Variants in LGALS9B observed in about 807,000 individuals in gnomAD.
The protein encoded by LGALS9B is galectin-9B.
Under a neutral mutation model 35.9 loss-of-function variants are expected in LGALS9B, and 8 were observed. The observed-to-expected ratio is 0.22, with a 90% CI of 0.13 to 0.40. LGALS9B has a LOEUF of 0.40. Ranked by LOEUF, LGALS9B falls within the 10% of genes least tolerant of loss-of-function variation. LGALS9B has a pLI of 1.00. For missense variants in LGALS9B, 101 were observed against 397.9 expected (o/e 0.25, Z 6.35); for synonymous variants, 42 against 148.6 (o/e 0.28, Z 5.22).
At chr17:20,452,159 A>G (rs1375793877) in intron 8 of LGALS9B, 192 bp downstream of exon 8, 1 of 263,624 alleles carries the variant, frequency 3.8e-6, no homozygotes, top group Non-Finnish European at 7.7e-6. Flanking sequence ...CGTTGACACG[A>G]CAGTTTTAAG....
intron 1 of LGALS9B, among the ~76,000 whole-genome samples, chr17:20,466,097 T>G (rs1268628435): frequency 6.6e-6 from 1 of 152,010 alleles, no homozygotes; most frequent in Non-Finnish European, 1.5e-5. Context: ...GGATCCCCTC[T>G]CTGGCAGAAA....
At chr17:20,467,351 A>G in intron 1 of LGALS9B, 81 bp downstream of exon 1, 1 of 1,298,414 alleles carries the variant, frequency 7.7e-7, no homozygotes, top group Non-Finnish European at 1.1e-6. Flanking sequence ...GTCTCCTGCC[A>G]CCCAGGAGTT....
rs1198710429 is a variant in LGALS9B, at chr17:20,464,772, C to T, written c.39+2660G>A. The stretch of plus-strand genomic sequence containing the variant: ...AGCAATTCTGACACTGGCCAAGTCA[C>T]TTGACCTGCCTGTGCCCCACTTCCC... On this transcript the variant is annotated intron_variant, in intron 1 of 10. Transcript: ENST00000423676. Among the ~76,000 whole-genome samples, 3 of 151,932 alleles carry T rather than the reference C, an allele frequency of 2.0e-5. No individual in the cohort carries two copies. The East Asian group carries it at 5.9e-4, about 30-fold the overall frequency.
chr17:20,456,800 G>C, intron 3 of LGALS9B, 129 bp from the exon 4 acceptor site: 1 of 116,030 alleles, frequency 8.6e-6, no homozygotes, highest in South Asian at 4.6e-5. Flanking sequence ...GCCAGTTACA[G>C]GGACGTGTGT....
At chr17:20,462,877 CAT>C (rs1171789334) in intron 1 of LGALS9B, among the ~76,000 whole-genome samples, 2 of 148,206 alleles carry the variant, frequency 1.3e-5, no homozygotes, top group African/African-American at 5.0e-5. Flanking sequence ...TTCATTCTAT[CAT>C]GAGAGACAAC....
chr17:20,464,258 C>G (rs1401698930), intron 1 of LGALS9B, among the ~76,000 whole-genome samples: 5 of 150,030 alleles, frequency 3.3e-5, no homozygotes, highest in Non-Finnish European at 7.4e-5. Flanking sequence ...ACCACCATGC[C>G]TGGCTAATTT....
rs1395977091 is a variant in LGALS9B, at chr17:20,453,215, C to T, written c.577-148G>A. 16 of 861,274 alleles carry T rather than the reference C, an allele frequency of 1.9e-5. 3 individuals are homozygous for T. The highest frequency in any genetic ancestry group is 5.6e-5 in the Admixed American group (2 of 35,796). 53.4% of individuals were successfully genotyped at this position (861,274 alleles called of 1,614,324 possible). A position where few individuals can be genotyped will look rare whatever the true frequency, so the allele number is the denominator to read the frequency against. ...CCCCACGGAGGGTGGGTCCAGGGGACGAGGGAGAGGCAAAGGTTAGAACCC... is the reference window on the plus strand; with the variant it reads ...CCCCACGGAGGGTGGGTCCAGGGGATGAGGGAGAGGCAAAGGTTAGAACCC... On this transcript the variant is annotated intron_variant, in intron 6 of 10. Coordinates refer to ENST00000423676, the MANE Select transcript of LGALS9B (RefSeq NM_001367292.2).
At chr17:20,465,850 G>A (rs2042759062) in intron 1 of LGALS9B, among the ~76,000 whole-genome samples, 1 of 149,452 alleles carries the variant, frequency 6.7e-6, no homozygotes, top group African/African-American at 2.5e-5. Flanking sequence ...CTGCCAGATG[G>A]GTCACCGAGT....
chr17:20,464,175 G>A (rs572968878), intron 1 of LGALS9B, among the ~76,000 whole-genome samples: 121 of 144,968 alleles, frequency 8.3e-4, no homozygotes, highest in Admixed American at 2.4e-3. Context: ...TCAGCTCACT[G>A]CAGCCTCCAC....
chr17:20,460,911 A>G (rs145992686), intron 1 of LGALS9B, among the ~76,000 whole-genome samples: 1 of 149,018 alleles, frequency 6.7e-6, no homozygotes, highest in South Asian at 2.2e-4. Context: ...GAACAAAGGG[A>G]CCCATCAAGG....
chr17:20,455,655 G>A (rs1295156893), intron 4 of LGALS9B, among the ~76,000 whole-genome samples: 13 of 146,438 alleles, frequency 8.9e-5, no homozygotes, highest in African/African-American at 2.9e-4. Flanking sequence ...GAGAGATGAG[G>A]ACCAAAGGGT....
At chr17:20,466,421 C>T (rs1425111205) in intron 1 of LGALS9B, among the ~76,000 whole-genome samples, 1 of 151,156 alleles carries the variant, frequency 6.6e-6, no homozygotes, top group East Asian at 1.9e-4. Context: ...CTGGCAGCTT[C>T]CCTGCCCTCA....
rs1343494351 is a variant in LGALS9B, at chr17:20,449,925, C to T, written c.*48G>A. ...TGGGAAGTGGGGATGATGAGAGGAC[C>T]CCGACTGCCCCACACCCCAGCCCCC... On this transcript the variant is annotated 3_prime_UTR_variant, in exon 11 of 11. Coordinates refer to ENST00000423676, the MANE Select transcript of LGALS9B (RefSeq NM_001367292.2). 1 of 1,129,726 alleles carries T rather than the reference C, an allele frequency of 8.9e-7. No homozygotes were observed. The highest frequency in any genetic ancestry group is 1.3e-6 in the Non-Finnish European group (1 of 786,536). 70.0% of individuals were successfully genotyped at this position (1,129,726 alleles called of 1,614,324 possible).
intron 2 of LGALS9B, among the ~76,000 whole-genome samples, chr17:20,458,949 G>GAT (rs111262600): frequency 0.2 from 28,705 of 144,324 alleles, 1,030 homozygotes; most frequent in African/African-American, 0.26. Context: ...AAAACAAAAA[G>GAT]ATATATATAT....
In LGALS9B at chr17:20,455,381, G is replaced by A. The variant is rs375999029; in HGVS notation, c.462C>T (p.Pro154=). 6.5e-5 allele frequency: 88 copies of A among 1,357,084 alleles called. 17 individuals are homozygous for A. The South Asian group carries it at 8.8e-4, about 14-fold the overall frequency. The allele number at this position is 1,357,084 out of a possible 1,614,324, so 84.1% of individuals were successfully genotyped here. A position where few individuals can be genotyped will look rare whatever the true frequency, so the allele number is the denominator to read the frequency against. ...YISFQNPRTV[P]VQPAFSTVPF... is the part of the protein sequence containing the mutation. ...GCACCGTGGAGAAGGCAGGCTGAAC[G>A]GGGACTGTGCGGGGATTCTGTTAAA... Residue 154 remains proline, a synonymous_variant, in exon 5 of 11, where the codon CCC becomes CCT. Transcript: ENST00000423676.
rs78798388 is a variant in LGALS9B at position 20,467,502 on chromosome 17, C to G, written c.-32G>C. 0.16 allele frequency: 72,369 copies of G among 466,708 alleles called. 11,700 individuals are homozygous for G. Among genetic ancestry groups the G allele is most frequent in the Middle Eastern group, 0.26 (362 of 1,378 alleles). The allele number at this position is 466,708 out of a possible 1,614,324, so 28.9% of individuals were successfully genotyped here. A position where few individuals can be genotyped will look rare whatever the true frequency, so the allele number is the denominator to read the frequency against. The stretch of plus-strand genomic sequence containing the variant: ...CGCCTCTGTGGCCACCGCTGCCTTT[C>G]ACACCTGCCAGGCAGTCCTTTGCAG... On this transcript the variant is annotated 5_prime_UTR_variant, in exon 1 of 11. Coordinates refer to ENST00000423676, the MANE Select transcript of LGALS9B (RefSeq NM_001367292.2).
chr17:20,453,151 C>A (rs1173571000), intron 6 of LGALS9B, 84 bp from the exon 7 acceptor site: 1 of 1,076,286 alleles, frequency 9.3e-7, no homozygotes, highest in African/African-American at 1.4e-5. Context: ...ACACGGCAGG[C>A]ACCCTCCAGG....
At chr17:20,461,386 A>G (rs772487680) in intron 1 of LGALS9B, among the ~76,000 whole-genome samples, 24 of 152,146 alleles carry the variant, frequency 1.6e-4, no homozygotes, top group Admixed American at 3.9e-4. Flanking sequence ...GAGACGCTTC[A>G]CCACTGTCAC....
intron 1 of LGALS9B, among the ~76,000 whole-genome samples, chr17:20,461,236 A>C (rs970820125): frequency 6.6e-6 from 1 of 150,876 alleles, no homozygotes; most frequent in African/African-American, 2.4e-5. Context: ...GCTGCTCCTG[A>C]CCTGAGTGGC....
Sources: gnomAD v4.1 joint callset for allele counts (sites outside exome capture counted in the v4.1 genomes callset) on GRCh38, gnomAD v4.1.1 for gene constraint, MANE v1.5 for transcripts, NCBI Gene and HGNC (gene_info 2026-07-23, HGNC 2026-07-21) for gene names.